The following SLC35F4 variants were observed in gnomAD, a reference collection of about 807,000 sequenced individuals.
SLC35F4 encodes the protein solute carrier family 35 member F4.
A neutral mutation model predicts 44.2 loss-of-function variants in SLC35F4; 24 were observed. That is an observed-to-expected ratio of 0.54 (90% CI 0.39 to 0.76). The LOEUF (loss-of-function observed/expected upper bound fraction) is 0.76, where lower values mean the gene tolerates loss of function less well. Ranked by LOEUF, SLC35F4 falls within the 30% of genes least tolerant of loss-of-function variation. The pLI is 0.00. For missense variants in SLC35F4, 562 were observed against 586.1 expected, an observed-to-expected ratio of 0.96 and a Z score of 0.42; for synonymous variants, 238 against 223.6, an observed-to-expected ratio of 1.06 and a Z score of -0.57.
Position 57,581,434 on chromosome 14 carries a change from C to G in SLC35F4, c.588-1G>C. 1 of 1,604,702 alleles carries G rather than the reference C, an allele frequency of 6.2e-7. No homozygotes were observed. Reference sequence around the variant, plus strand: ...TTCACCAAAAATCCGACTGCATTCCCTAGGAAAGAAAAGAGAAGTTAATAT... The same window carrying G: ...TTCACCAAAAATCCGACTGCATTCCGTAGGAAAGAAAAGAGAAGTTAATAT... On this transcript the variant is annotated splice_acceptor_variant, in intron 3 of 7. Coordinates refer to ENST00000556826, the MANE Select transcript of SLC35F4 (RefSeq NM_001306087.2). LOFTEE classifies it high-confidence loss of function.
chr14:57,688,265 T>C (rs573621992), intron 1 of SLC35F4, among the ~76,000 whole-genome samples: 2 of 152,300 alleles, frequency 1.3e-5, no homozygotes, highest in African/African-American at 4.8e-5. Flanking sequence ...AATTTTTTGT[T>C]CCTGACTACT....
intron 1 of SLC35F4, among the ~76,000 whole-genome samples, chr14:57,715,020 C>T (rs150077284): frequency 1.3e-5 from 2 of 152,160 alleles, no homozygotes; most frequent in Non-Finnish European, 2.9e-5. Context: ...GTAGAAGGAG[C>T]TCTTCTAAAA....
rs1300735332 is a variant in SLC35F4, at chr14:57,925,477, A to AGAAG, written n.282+56432_282+56435dup. Among the ~76,000 whole-genome samples the AGAAG allele has an allele frequency of 4.1e-4, 44 of 106,826 alleles. 2 individuals carry two copies. Among genetic ancestry groups the AGAAG allele is most frequent in the African/African-American group, 1.1e-3 (31 of 28,474 alleles). The allele number at this position is 106,826 out of a possible 152,430, so 70.1% of individuals were successfully genotyped here. ...GATTCTCCTAAGAAATGGGAAGGAA[A>AGAAG]GAAGGAAGGAAGGAAGGAAGGGAGG... On this transcript the variant is annotated intron_variant and non_coding_transcript_variant, in intron 1 of 1. Coordinates refer to the SLC35F4 transcript ENST00000556568.
chr14:57,570,598 C>T (rs2068450278), intron 5 of SLC35F4, among the ~76,000 whole-genome samples: 1 of 152,272 alleles, frequency 6.6e-6, no homozygotes, highest in South Asian at 2.1e-4. Flanking sequence ...CAACAGATTA[C>T]AGAGAAAGCC....
At chr14:57,698,501 G>T (rs924080412) in intron 1 of SLC35F4, among the ~76,000 whole-genome samples, 7 of 152,096 alleles carry the variant, frequency 4.6e-5, no homozygotes, top group African/African-American at 1.7e-4. Flanking sequence ...ATTTTAGAAA[G>T]CATTTTTCAA....
chr14:57,721,391 T>C (rs947905557), intron 1 of SLC35F4, among the ~76,000 whole-genome samples: 3 of 152,154 alleles, frequency 2.0e-5, no homozygotes, highest in Admixed American at 6.6e-5. Context: ...AAGTTGGTTG[T>C]TTGCTCCTAA....
chr14:57,885,717 C>CT (rs1888632119), intron 1 of SLC35F4, among the ~76,000 whole-genome samples: 1 of 152,134 alleles, frequency 6.6e-6, no homozygotes, highest in Admixed American at 6.6e-5. Flanking sequence ...CAACATAGAG[C>CT]TTTTTTATCA....
Position 57,652,354 on chromosome 14 carries a change from C to T in SLC35F4, c.104-58230G>A, listed in dbSNP as rs76857580. On this transcript the variant is annotated intron_variant, in intron 1 of 7. Transcript: ENST00000556826. ...CCAGTTTCCCTAGCAATGTTTAAGC[C>T]GGGTACCTGCTCATGGTAACAAAAA... Among the ~76,000 whole-genome samples, 453 of 152,234 alleles carry T rather than the reference C, an allele frequency of 3.0e-3. 2 individuals are homozygous for T. The highest frequency in any genetic ancestry group is 9.4e-3 in the African/African-American group (391 of 41,542).
rs568871921 is a variant in SLC35F4 at position 57,932,179 on chromosome 14, G to A, written n.282+49734C>T. On this transcript the variant is annotated intron_variant and non_coding_transcript_variant, in intron 1 of 1. Transcript: ENST00000556568. Reference sequence around the variant, plus strand: ...TACCATCAGCTTGCTAGAGTTTAGTGAGGTTATTTGGAGTGGTTTTTGTTG... The same window carrying A: ...TACCATCAGCTTGCTAGAGTTTAGTAAGGTTATTTGGAGTGGTTTTTGTTG... 2.0e-5 allele frequency among the ~76,000 whole-genome samples: 3 copies of A among 152,308 alleles called. No individual in the cohort carries two copies. The East Asian group carries it at 5.8e-4, about 29-fold the overall frequency.
At chr14:57,783,521 G>A (rs1209299222) in intron 1 of SLC35F4, among the ~76,000 whole-genome samples, 1 of 152,120 alleles carries the variant, frequency 6.6e-6, no homozygotes, top group African/African-American at 2.4e-5. Flanking sequence ...TTATCATCAG[G>A]ACACCCCTTA....
At chr14:57,576,074 G>T (rs1199093657) in intron 4 of SLC35F4, among the ~76,000 whole-genome samples, 3 of 152,030 alleles carry the variant, frequency 2.0e-5, no homozygotes, top group African/African-American at 4.8e-5. Flanking sequence ...CTCCATGAGG[G>T]TTTATCAACC....
chr14:57,720,978 T>C (rs1193604058), intron 1 of SLC35F4, among the ~76,000 whole-genome samples: 1 of 27,634 alleles, frequency 3.6e-5, no homozygotes, highest in African/African-American at 1.0e-4. Flanking sequence ...AATAAACTCC[T>C]CATATATATA....
At chr14:57,690,013 C>T (rs1481805019) in intron 1 of SLC35F4, among the ~76,000 whole-genome samples, 1 of 152,076 alleles carries the variant, frequency 6.6e-6, no homozygotes, top group Non-Finnish European at 1.5e-5. Flanking sequence ...TTTCTGCCAC[C>T]TCTAAATCTT....
intron 1 of SLC35F4, among the ~76,000 whole-genome samples, chr14:57,598,696 TCTC>T (rs1460279515): frequency 6.6e-6 from 1 of 152,206 alleles, no homozygotes; most frequent in Non-Finnish European, 1.5e-5. Context: ...TTGGCTTTTA[TCTC>T]CTATGGGCAC....
chr14:57,583,317 A>C (rs2069434055), intron 3 of SLC35F4, among the ~76,000 whole-genome samples: 1 of 152,202 alleles, frequency 6.6e-6, no homozygotes, highest in Non-Finnish European at 1.5e-5. Context: ...GCTGCCGTGT[A>C]GAGCTGGAGT....
chr14:57,648,659 T>C (rs2073648269), intron 1 of SLC35F4, among the ~76,000 whole-genome samples: 1 of 152,206 alleles, frequency 6.6e-6, no homozygotes, highest in Non-Finnish European at 1.5e-5. Context: ...TATGAACCTT[T>C]CTTAAAAAGG....
chr14:57,720,303 C>T (rs1045907599), intron 1 of SLC35F4, among the ~76,000 whole-genome samples: 17 of 152,110 alleles, frequency 1.1e-4, no homozygotes, highest in African/African-American at 3.4e-4. Context: ...CTTTTTTTAA[C>T]GTGCCTTTGT....
upstream of SLC35F4, among the ~76,000 whole-genome samples, chr14:57,867,603 C>CG (rs869183580): frequency 1.9e-4 from 6 of 31,532 alleles, no homozygotes; most frequent in South Asian, 3.3e-3. Flanking sequence ...TGCCTTTACA[C>CG]CCCCCCCCAC....
intron 1 of SLC35F4, among the ~76,000 whole-genome samples, chr14:57,926,018 A>G (rs1889562495): frequency 6.6e-6 from 1 of 152,190 alleles, no homozygotes. Context: ...AGTTCTGTAA[A>G]TGTGGGCACA....
Sources: allele counts gnomAD v4.1 joint callset (sites outside exome capture counted in the v4.1 genomes callset), GRCh38; gene constraint gnomAD v4.1.1; transcripts MANE v1.5; gene names NCBI Gene and HGNC (gene_info 2026-07-23, HGNC 2026-07-21).